Variants in LRRC4C observed in about 807,000 individuals in gnomAD.
LRRC4C encodes the protein leucine rich repeat containing 4C.
In LRRC4C, 5 loss-of-function variants were observed where a neutral mutation model predicts 33.6. That is an observed-to-expected ratio of 0.15 (90% CI 0.08 to 0.31). LRRC4C has a LOEUF of 0.31. Ranked by LOEUF, LRRC4C falls within the 10% of genes least tolerant of loss-of-function variation. The probability of loss-of-function intolerance (pLI) is 1.00; values close to 1 mark genes in which losing one functional copy is unlikely to be tolerated. For missense variants in LRRC4C, 560 were observed against 796.7 expected, an observed-to-expected ratio of 0.70 and a Z score of 3.58; for synonymous variants, 329 against 302.0, an observed-to-expected ratio of 1.09 and a Z score of -0.93.
At chr11:41,310,360 A>G (rs984874715) in intron 1 of LRRC4C, among the ~76,000 whole-genome samples, 20 of 152,200 alleles carry the variant, frequency 1.3e-4, no homozygotes, top group African/African-American at 4.8e-4. Flanking sequence ...CTCCGACTCA[A>G]TGTTTCTCTT....
chr11:40,260,842 A>G (rs553961066), intron 4 of LRRC4C, among the ~76,000 whole-genome samples: 2 of 152,304 alleles, frequency 1.3e-5, no homozygotes, highest in East Asian at 1.9e-4. Context: ...TGCAAAATGC[A>G]TGGCATACAC....
intron 1 of LRRC4C, among the ~76,000 whole-genome samples, chr11:41,327,680 G>A (rs1057493065): frequency 2.6e-5 from 4 of 152,258 alleles, no homozygotes; most frequent in South Asian, 2.1e-4. Flanking sequence ...TGATCCCCAC[G>A]TGTCATGGGA....
chr11:41,074,939 C>T (rs916206177), intron 1 of LRRC4C, among the ~76,000 whole-genome samples: 6 of 151,166 alleles, frequency 4.0e-5, no homozygotes, highest in Admixed American at 6.6e-5. Flanking sequence ...ATCCAAGTCT[C>T]GTCTTAAAGG....
At chr11:41,000,726 G>A (rs1478993491) in intron 1 of LRRC4C, among the ~76,000 whole-genome samples, 3 of 152,008 alleles carry the variant, frequency 2.0e-5, no homozygotes, top group African/African-American at 4.8e-5. Context: ...TCGTCTCCCC[G>A]ACTGGCCAGC....
In LRRC4C at chr11:40,480,368, AATAAAT is replaced by A. The variant is rs949265462; in HGVS notation, c.-269-160653_-269-160648del. 3.5e-4 allele frequency among the ~76,000 whole-genome samples: 53 copies of A among 151,488 alleles called. No individual in the cohort carries two copies. The South Asian group carries it at 7.5e-3, about 21-fold the overall frequency. On this transcript the variant is annotated intron_variant, in intron 3 of 6. Coordinates refer to ENST00000528697, the MANE Select transcript of LRRC4C (RefSeq NM_001258419.2). ...TAAAATAAATAAAAATAAAAATAAA[AATAAAT>A]AAATAAATAAAACAAAATACCACAT...
chr11:41,260,528 C>A (rs1296399137), intron 1 of LRRC4C, among the ~76,000 whole-genome samples: 1 of 151,822 alleles, frequency 6.6e-6, no homozygotes, highest in Non-Finnish European at 1.5e-5. Flanking sequence ...ATCTTTACTT[C>A]CTCTAAGACC....
intron 2 of LRRC4C, among the ~76,000 whole-genome samples, chr11:40,928,943 A>C (rs1042480369): frequency 2.6e-4 from 40 of 152,342 alleles, no homozygotes; most frequent in African/African-American, 8.9e-4. Context: ...AATGCTGTGG[A>C]AACATTTTGG....
intron 4 of LRRC4C, among the ~76,000 whole-genome samples, chr11:40,258,042 C>T (rs1193137060): frequency 2.0e-5 from 3 of 152,184 alleles, no homozygotes; most frequent in Admixed American, 6.6e-5. Context: ...AGGTGGGCTG[C>T]TCTGTGTCAT....
At chr11:41,022,512 G>A (rs374914011) in intron 1 of LRRC4C, among the ~76,000 whole-genome samples, 1 of 151,772 alleles carries the variant, frequency 6.6e-6, no homozygotes, top group East Asian at 1.9e-4. Context: ...TTTCAGGATG[G>A]AGATGGTATA....
chr11:40,819,944 G>T (rs1274483683), intron 2 of LRRC4C, among the ~76,000 whole-genome samples: 2 of 151,438 alleles, frequency 1.3e-5, no homozygotes, highest in South Asian at 4.2e-4. Context: ...CATACCAGAG[G>T]GAAGACAAAT....
intron 3 of LRRC4C, among the ~76,000 whole-genome samples, chr11:40,560,103 G>A (rs1314611758): frequency 6.6e-6 from 1 of 152,086 alleles, no homozygotes; most frequent in Non-Finnish European, 1.5e-5. Flanking sequence ...GAAGAGTTAT[G>A]TTCTGGGAAT....
intron 1 of LRRC4C, among the ~76,000 whole-genome samples, chr11:41,268,143 G>C (rs1949209628): frequency 6.6e-6 from 1 of 152,108 alleles, no homozygotes. Context: ...TTAGGTCTGT[G>C]TTGTGATTGC....
intron 1 of LRRC4C, among the ~76,000 whole-genome samples, chr11:41,060,860 C>A (rs1043297727): frequency 6.6e-6 from 1 of 152,114 alleles, no homozygotes; most frequent in Non-Finnish European, 1.5e-5. Flanking sequence ...CTTATCCATG[C>A]AGCCAATCAA....
chr11:40,917,323 G>A (rs1957003865), intron 2 of LRRC4C, among the ~76,000 whole-genome samples: 1 of 152,080 alleles, frequency 6.6e-6, no homozygotes, highest in Non-Finnish European at 1.5e-5. Flanking sequence ...TTAGAAGAAG[G>A]TTAATAGAAC....
At chr11:41,068,167 C>T (rs1386254497) in intron 1 of LRRC4C, among the ~76,000 whole-genome samples, 1 of 152,102 alleles carries the variant, frequency 6.6e-6, no homozygotes, top group Non-Finnish European at 1.5e-5. Context: ...CCGAGGCAGG[C>T]AGATCACCTG....
At chr11:40,781,794 G>A (rs1422502521) in intron 2 of LRRC4C, among the ~76,000 whole-genome samples, 1 of 152,176 alleles carries the variant, frequency 6.6e-6, no homozygotes, top group Non-Finnish European at 1.5e-5. Context: ...TGCCAGACTA[G>A]TGATAGCTCT....
chr11:41,376,339 G>T (rs1390422027), intron 1 of LRRC4C, among the ~76,000 whole-genome samples: 1 of 152,112 alleles, frequency 6.6e-6, no homozygotes, highest in Non-Finnish European at 1.5e-5. Context: ...AGTCTGAGAT[G>T]CCTTGTAGCT....
intron 3 of LRRC4C, among the ~76,000 whole-genome samples, chr11:40,459,906 C>T (rs771317892): frequency 1.3e-5 from 2 of 152,134 alleles, no homozygotes; most frequent in Admixed American, 1.3e-4. Context: ...TGATGCAGCA[C>T]GATGTTTGCA....
At chr11:40,763,231 G>A (rs950669109) in intron 2 of LRRC4C, among the ~76,000 whole-genome samples, 1 of 151,964 alleles carries the variant, frequency 6.6e-6, no homozygotes, top group African/African-American at 2.4e-5. Flanking sequence ...ACAAGGGGGT[G>A]ATATCTGCTA....
Sources: allele counts gnomAD v4.1 joint callset (sites outside exome capture counted in the v4.1 genomes callset), GRCh38; gene constraint gnomAD v4.1.1; transcripts MANE v1.5; gene names NCBI Gene and HGNC (gene_info 2026-07-23, HGNC 2026-07-21).